The following ZNF423 variants were observed in gnomAD, a reference collection of about 807,000 sequenced individuals.
The protein encoded by ZNF423 is Ebf-associated zinc finger protein.
In ZNF423, 12 loss-of-function variants were observed where a neutral mutation model predicts 95.8. The ratio of observed to expected loss-of-function variants is 0.13; its 90% confidence interval spans 0.08 to 0.20. The LOEUF (loss-of-function observed/expected upper bound fraction) is 0.20, where lower values mean the gene tolerates loss of function less well. Ranked by LOEUF, ZNF423 falls within the 10% of genes least tolerant of loss-of-function variation. The pLI is 1.00. For synonymous variants in ZNF423, 749 were observed against 711.9 expected (o/e 1.05, Z -0.83); for missense variants, 1,316 against 1,737.1 (o/e 0.76, Z 4.31).
At chr16:49,813,248 G>A (rs1308123743) in intron 1 of ZNF423, among the ~76,000 whole-genome samples, 4 of 151,454 alleles carry the variant, frequency 2.6e-5, no homozygotes, top group African/African-American at 9.7e-5. Flanking sequence ...ACAGCCCAGA[G>A]CTGGCCTAAC....
intron 5 of ZNF423, among the ~76,000 whole-genome samples, chr16:49,547,616 G>A (rs1051830271): frequency 5.9e-5 from 9 of 152,206 alleles, no homozygotes; most frequent in African/African-American, 9.6e-5. Context: ...GGGCCCTGGC[G>A]GGGAACCTCC....
intron 7 of ZNF423, among the ~76,000 whole-genome samples, chr16:49,506,086 G>A (rs1967622928): frequency 6.6e-6 from 1 of 152,238 alleles, no homozygotes; most frequent in Non-Finnish European, 1.5e-5. Flanking sequence ...GTAGGTATAT[G>A]CACAGTTTTA....
intron 2 of ZNF423, among the ~76,000 whole-genome samples, chr16:49,748,775 C>G (rs1016043195): frequency 6.6e-6 from 1 of 152,140 alleles, no homozygotes; most frequent in African/African-American, 2.4e-5. Context: ...TGCCCTATGA[C>G]AGAGGTACTA....
chr16:49,520,778 G>A (rs1400050928), intron 7 of ZNF423, among the ~76,000 whole-genome samples: 1 of 152,188 alleles, frequency 6.6e-6, no homozygotes, highest in African/African-American at 2.4e-5. Flanking sequence ...CTTCTGTGTA[G>A]GGACAATGAA....
At chr16:49,783,846 T>G (rs1190126980) in intron 2 of ZNF423, among the ~76,000 whole-genome samples, 1 of 151,728 alleles carries the variant, frequency 6.6e-6, no homozygotes, top group South Asian at 2.1e-4. Flanking sequence ...GGCACGTGCC[T>G]GTAGTCCCAG....
chr16:49,574,517 T>C (rs1250139665), intron 5 of ZNF423, among the ~76,000 whole-genome samples: 1 of 152,254 alleles, frequency 6.6e-6, no homozygotes, highest in Non-Finnish European at 1.5e-5. Context: ...CCTTGGACTC[T>C]ACTTGGAGAA....
chr16:49,498,329 A>C (rs560893366), intron 7 of ZNF423, among the ~76,000 whole-genome samples: 5 of 152,358 alleles, frequency 3.3e-5, no homozygotes, highest in Admixed American at 6.5e-5. Context: ...CTGTCTGCAG[A>C]GCCCACTCTT....
In ZNF423 at chr16:49,853,895, C is replaced by T. The variant is rs568602262; in HGVS notation, c.40+1840G>A. On this transcript the variant is annotated intron_variant, in intron 1 of 7. Transcript: ENST00000563137. ...TGGAAGTCTAGGTAAGCAAGCTTTG[C>T]AAACTCAAAATCAACTGCCTGAGTT... is the stretch of plus-strand genomic sequence containing the variant. 15 of 985,366 alleles carry T rather than the reference C, an allele frequency of 1.5e-5. 2 individuals are homozygous for T. The South Asian group carries it at 7.0e-4, about 46-fold the overall frequency. The allele number at this position is 985,366 out of a possible 1,614,324, so 61.0% of individuals were successfully genotyped here.
chr16:49,729,890 AT>A (rs1323724981), intron 3 of ZNF423, among the ~76,000 whole-genome samples: 4 of 152,074 alleles, frequency 2.6e-5, no homozygotes, highest in Non-Finnish European at 5.9e-5. Context: ...TCAACAAGTG[AT>A]GGGTTCCCTT....
intron 3 of ZNF423, among the ~76,000 whole-genome samples, chr16:49,721,929 A>G (rs2032877562): frequency 1.3e-5 from 2 of 152,052 alleles, no homozygotes; most frequent in African/African-American, 4.8e-5. Flanking sequence ...AATTTTGGGG[A>G]GGTTTACAGG....
chr16:49,688,580 CAAGG>C (rs2031659858), intron 3 of ZNF423, among the ~76,000 whole-genome samples: 1 of 152,176 alleles, frequency 6.6e-6, no homozygotes, highest in Non-Finnish European at 1.5e-5. Context: ...TATATTTTAT[CAAGG>C]AAGAAATGCC....
intron 5 of ZNF423, among the ~76,000 whole-genome samples, chr16:49,607,343 A>G (rs1243324338): frequency 6.6e-6 from 1 of 152,218 alleles, no homozygotes; most frequent in Non-Finnish European, 1.5e-5. Flanking sequence ...GCATGGACTG[A>G]GGACCTCAAC....
At chr16:49,767,868 G>C (rs1455667183) in intron 2 of ZNF423, among the ~76,000 whole-genome samples, 1 of 152,186 alleles carries the variant, frequency 6.6e-6, no homozygotes. Flanking sequence ...TAATTAATTT[G>C]GATGGAGATG....
At chr16:49,671,063 C>T (rs1299210235) in intron 3 of ZNF423, among the ~76,000 whole-genome samples, 1 of 152,242 alleles carries the variant, frequency 6.6e-6, no homozygotes. Flanking sequence ...TGCCTTCCTT[C>T]ACATGCAGCT....
chr16:49,620,652 G>A lies in ZNF423; in HGVS notation c.3601+5518C>T, dbSNP rs370930798. Among the ~76,000 whole-genome samples, 16 of 152,200 alleles carry A rather than the reference G, an allele frequency of 1.1e-4. No individual in the cohort carries two copies. In the East Asian group the frequency reaches 2.3e-3, roughly 22 times the overall value. The stretch of plus-strand genomic sequence containing the variant: ...TCCCTTCCCAGCCCTGACCCTCCCC[G>A]GGGCTCCCCCAAGGGGCCCGTGAGG... On this transcript the variant is annotated intron_variant, in intron 5 of 7. Transcript: ENST00000563137.
intron 2 of ZNF423, among the ~76,000 whole-genome samples, chr16:49,731,640 C>G (rs1006113713): frequency 6.6e-6 from 1 of 150,926 alleles, no homozygotes; most frequent in East Asian, 1.9e-4. Context: ...TAGCAAGACT[C>G]TATCTCTACA....
intron 1 of ZNF423, among the ~76,000 whole-genome samples, chr16:49,802,071 C>T (rs960592883): frequency 3.3e-5 from 5 of 152,124 alleles, no homozygotes; most frequent in African/African-American, 1.2e-4. Flanking sequence ...TGGTCTTGAA[C>T]TCCTGGCCTC....
chr16:49,718,497 G>T lies in ZNF423; in HGVS notation c.301+12274C>A, dbSNP rs76421903. ...TCTCTTTCATCCGTTAAGTTTGCTTGTTCCTTTGAGTGCCTGGAATTGTGG... is the reference window on the plus strand; with the variant it reads ...TCTCTTTCATCCGTTAAGTTTGCTTTTTCCTTTGAGTGCCTGGAATTGTGG... On this transcript the variant is annotated intron_variant, in intron 3 of 7. Transcript: ENST00000563137. Among the ~76,000 whole-genome samples the T allele has an allele frequency of 9.3e-3, 1,414 of 152,286 alleles. 40 individuals carry two copies. The highest frequency in any genetic ancestry group is 0.081 in the East Asian group (419 of 5,174).
At chr16:49,804,930 T>TA (rs2034639147) in intron 1 of ZNF423, among the ~76,000 whole-genome samples, 1 of 145,256 alleles carries the variant, frequency 6.9e-6, no homozygotes, top group Non-Finnish European at 1.5e-5. Flanking sequence ...GAGTCTTACT[T>TA]ACTCTGTCCC....
Sources: allele counts gnomAD v4.1 joint callset (sites outside exome capture counted in the v4.1 genomes callset), GRCh38; gene constraint gnomAD v4.1.1; transcripts MANE v1.5; gene names NCBI Gene and HGNC (gene_info 2026-07-23, HGNC 2026-07-21).